ZNF90: variants seen among roughly 807,000 people sequenced by gnomAD.
ZNF90 encodes the protein zinc finger protein HTF9.
Under a neutral mutation model 12.0 loss-of-function variants are expected in ZNF90, and 11 were observed. The observed-to-expected ratio is 0.92, with a 90% CI of 0.58 to 1.52. ZNF90 has a LOEUF of 1.52. Among genes scored for constraint, ZNF90 ranks in the 40% most tolerant of loss-of-function variants. The pLI, the probability that ZNF90 is intolerant of heterozygous loss-of-function variation, is 0.00. For missense variants in ZNF90, 765 were observed against 711.5 expected (o/e 1.08, Z -0.86); for synonymous variants, 232 against 240.1 (o/e 0.97, Z 0.31).
At chr19:20,078,615 C>T (rs769344284) in intron 1 of ZNF90, among the ~76,000 whole-genome samples, 3 of 150,982 alleles carry the variant, frequency 2.0e-5, no homozygotes, top group Non-Finnish European at 4.4e-5. Flanking sequence ...GTTAGTACAA[C>T]GTAGTTCTTC....
chr19:20,116,695 A>G (rs1274771958), intron 3 of ZNF90, among the ~76,000 whole-genome samples: 2 of 152,174 alleles, frequency 1.3e-5, no homozygotes, highest in Non-Finnish European at 2.9e-5. Context: ...GAATTTCTCA[A>G]ACATGTTCTT....
chr19:20,118,365 A>C lies in ZNF90; in HGVS notation c.811A>C (p.Thr271Pro). ...DCGKELKYSS[T>P]LTAHKRIHTG... ...TGGCAAAGAATTAAAGTATTCCTCT[A>C]CCCTTACTGCACATAAGAGAATTCA... Residue 271 changes from threonine to proline, a missense_variant, in exon 4 of 4, where the codon ACC becomes CCC. Transcript: ENST00000418063. 6.3e-7 allele frequency: 1 copy of C among 1,576,670 alleles called. No homozygotes were observed. Among genetic ancestry groups the C allele is most frequent in the Non-Finnish European group, 8.6e-7 (1 of 1,159,962 alleles).
At chr19:20,080,166 AGAATTG>A in intron 1 of ZNF90, 1 of 452,834 alleles carries the variant, frequency 2.2e-6, no homozygotes. Flanking sequence ...CAGGTCAGCA[AGAATTG>A]CTGCCCAGGG....
At chr19:20,114,204 T>G (rs145638703) in intron 3 of ZNF90, among the ~76,000 whole-genome samples, 6 of 152,304 alleles carry the variant, frequency 3.9e-5, no homozygotes, top group African/African-American at 1.4e-4. Context: ...GACAGGGGAA[T>G]TGGTTAAACC....
intron 1 of ZNF90, among the ~76,000 whole-genome samples, chr19:20,079,375 G>A (rs1205586779): frequency 6.6e-6 from 1 of 151,162 alleles, no homozygotes; most frequent in Non-Finnish European, 1.5e-5. Flanking sequence ...AAAGGAAACT[G>A]GATGGGTCTT....
At chr19:20,082,835 C>G (rs1555701683) in intron 1 of ZNF90, among the ~76,000 whole-genome samples, 1 of 152,174 alleles carries the variant, frequency 6.6e-6, no homozygotes, top group Non-Finnish European at 1.5e-5. Flanking sequence ...CATCTGTCTC[C>G]TGCTCCTCCC....
In ZNF90 at chr19:20,119,463, C is replaced by T. The variant is rs1257237677; in HGVS notation, c.*103C>T. 2.1e-6 allele frequency: 2 copies of T among 935,616 alleles called. No homozygotes were observed. The highest frequency in any genetic ancestry group is 3.2e-6 in the Non-Finnish European group (2 of 633,284). 58.0% of individuals were successfully genotyped at this position (935,616 alleles called of 1,614,324 possible). A position where few individuals can be genotyped will look rare whatever the true frequency, so the allele number is the denominator to read the frequency against. On this transcript the variant is annotated 3_prime_UTR_variant, in exon 4 of 4. Coordinates refer to ENST00000418063, the MANE Select transcript of ZNF90 (RefSeq NM_007138.2). ...GCCTTTGACCACCCCTCTACTCTTA[C>T]TAAATATGAGAATTTATATGAAACA...
intron 3 of ZNF90, among the ~76,000 whole-genome samples, chr19:20,106,300 C>G (rs547191077): frequency 2.0e-5 from 3 of 151,862 alleles, no homozygotes; most frequent in African/African-American, 7.2e-5. Context: ...GAAACAGCAA[C>G]TTTTTACTTA....
chr19:20,088,295 G>A (rs561660741), intron 1 of ZNF90, among the ~76,000 whole-genome samples: 2 of 152,206 alleles, frequency 1.3e-5, no homozygotes, highest in Admixed American at 6.5e-5. Flanking sequence ...GAGTGGGAGA[G>A]ATTAAGCTGA....
At chr19:20,088,643 G>A (rs141363021) in intron 1 of ZNF90, among the ~76,000 whole-genome samples, 2,267 of 152,182 alleles carry the variant, frequency 0.015, 52 homozygotes, top group African/African-American at 0.052. Context: ...GAATATGCAG[G>A]GTCCTCCTTT....
intron 1 of ZNF90, among the ~76,000 whole-genome samples, chr19:20,090,852 A>G (rs1419990293): frequency 6.6e-6 from 1 of 152,196 alleles, no homozygotes; most frequent in Non-Finnish European, 1.5e-5. Flanking sequence ...AGTACTGTCC[A>G]ATCTTTTTTA....
chr19:20,107,094 G>C (rs2089046174), intron 3 of ZNF90: 1 of 436,826 alleles, frequency 2.3e-6, no homozygotes, highest in African/African-American at 2.0e-5. Flanking sequence ...AGGTAACTGT[G>C]TGGGTTTCTA....
chr19:20,104,662 A>G (rs1555704216), intron 2 of ZNF90, among the ~76,000 whole-genome samples: 1 of 152,172 alleles, frequency 6.6e-6, no homozygotes, highest in African/African-American at 2.4e-5. Context: ...GCCACCACCA[A>G]CTTTTGATTC....
At chr19:20,084,614 A>G (rs1230373501) in intron 1 of ZNF90, among the ~76,000 whole-genome samples, 4 of 152,210 alleles carry the variant, frequency 2.6e-5, no homozygotes, top group Non-Finnish European at 4.4e-5. Context: ...CCAGAAGAGT[A>G]TAAGCATTCC....
In ZNF90 at chr19:20,107,844, T is replaced by C. The variant is rs193166176; in HGVS notation, c.226+2528T>C. On this transcript the variant is annotated intron_variant, in intron 3 of 3. Coordinates refer to ENST00000418063, the MANE Select transcript of ZNF90 (RefSeq NM_007138.2). ...TTACATAATTATTGGGCACCCAATA[T>C]TTAACTAAATATGATAAATAACTAA... Among the ~76,000 whole-genome samples the C allele has an allele frequency of 2.0e-4, 30 of 152,312 alleles. No homozygotes were observed. The East Asian group carries it at 4.8e-3, about 25-fold the overall frequency.
intron 1 of ZNF90, among the ~76,000 whole-genome samples, chr19:20,095,094 A>G (rs1348929462): frequency 6.6e-6 from 1 of 152,012 alleles, no homozygotes; most frequent in Non-Finnish European, 1.5e-5. Flanking sequence ...TCTGTAGAAA[A>G]GGAAGACTGG....
Position 20,119,564 on chromosome 19 carries a change from T to C in ZNF90, c.*204T>C. The C allele has an allele frequency of 1.9e-6, 1 of 539,980 alleles. No individual in the cohort carries two copies. Among genetic ancestry groups the C allele is most frequent in the Non-Finnish European group, 3.2e-6 (1 of 310,796 alleles). The allele number at this position is 539,980 out of a possible 1,614,324, so 33.4% of individuals were successfully genotyped here. A position where few individuals can be genotyped will look rare whatever the true frequency, so the allele number is the denominator to read the frequency against. The stretch of plus-strand genomic sequence containing the variant: ...AACCCTTACTACACATAATTCATAC[T>C]GGACGGAAACTCTACAGGTGTGAAA... On this transcript the variant is annotated 3_prime_UTR_variant, in exon 4 of 4. Coordinates refer to ENST00000418063, the MANE Select transcript of ZNF90 (RefSeq NM_007138.2).
At chr19:20,112,590 G>C (rs868919150) in intron 3 of ZNF90, among the ~76,000 whole-genome samples, 3 of 152,232 alleles carry the variant, frequency 2.0e-5, no homozygotes, top group Middle Eastern at 3.4e-3. Flanking sequence ...CCAAAGTGTT[G>C]GGATTACAGG....
chr19:20,093,779 T>C (rs2088921043), intron 1 of ZNF90, among the ~76,000 whole-genome samples: 1 of 152,024 alleles, frequency 6.6e-6, no homozygotes, highest in South Asian at 2.1e-4. Flanking sequence ...AGCCCCCGTA[T>C]CGATTAAACA....
Sources: gnomAD v4.1 joint callset for allele counts (sites outside exome capture counted in the v4.1 genomes callset) on GRCh38, gnomAD v4.1.1 for gene constraint, MANE v1.5 for transcripts, NCBI Gene and HGNC (gene_info 2026-07-23, HGNC 2026-07-21) for gene names.